The following TLN2 variants were observed in gnomAD, a reference collection of about 807,000 sequenced individuals.
TLN2 encodes talin 2.
TLN2 carries 118 observed loss-of-function variants against 294.7 expected under a neutral mutation model. The ratio of observed to expected loss-of-function variants is 0.40; its 90% CI spans 0.34 to 0.47. The LOEUF (loss-of-function observed/expected upper bound fraction) is 0.47, where lower values mean the gene tolerates loss of function less well. Among genes scored for constraint, TLN2 ranks in the 20% least tolerant of loss-of-function variants. TLN2 has a pLI of 0.84. For missense variants in TLN2, 3,083 were observed against 3,282.2 expected (o/e 0.94, Z 1.48); for synonymous variants, 1,431 against 1,304.5 (o/e 1.10, Z -2.09).
At chr15:62,772,907 A>G (rs183079708) in intron 42 of TLN2, among the ~76,000 whole-genome samples, 4 of 152,054 alleles carry the variant, frequency 2.6e-5, no homozygotes, top group Admixed American at 2.0e-4. Flanking sequence ...CAGGTGATCC[A>G]TCCTCCTCAG....
chr15:62,668,452 CT>C (rs1247903108), intron 9 of TLN2, among the ~76,000 whole-genome samples: 3 of 152,190 alleles, frequency 2.0e-5, no homozygotes, highest in African/African-American at 7.2e-5. Flanking sequence ...TTAAATTCCC[CT>C]TCCCTGATTC....
intron 2 of TLN2, among the ~76,000 whole-genome samples, chr15:62,613,379 G>A (rs1234044242): frequency 2.0e-5 from 3 of 152,144 alleles, no homozygotes; most frequent in Admixed American, 6.5e-5. Flanking sequence ...AGACAAACCT[G>A]TACTTAGTAT....
chr15:62,789,568 G>A (rs937422), intron 45 of TLN2, among the ~76,000 whole-genome samples: 149,959 of 152,254 alleles, frequency 0.98, 73,881 homozygotes, highest in Middle Eastern at 1. Flanking sequence ...TTGAGGATGT[G>A]TCCCACCATG....
intron 1 of TLN2, among the ~76,000 whole-genome samples, chr15:62,553,017 C>T (rs982633674): frequency 6.6e-6 from 1 of 152,122 alleles, no homozygotes; most frequent in Non-Finnish European, 1.5e-5. Flanking sequence ...AACAAGATTG[C>T]TTTTCTTTCT....
intron 37 of TLN2, among the ~76,000 whole-genome samples, chr15:62,756,194 C>A (rs1355647956): frequency 1.3e-5 from 2 of 152,160 alleles, no homozygotes. Flanking sequence ...GATATTAATT[C>A]TGTTTATAGC....
At chr15:62,684,260 A>C (rs1003253701) in intron 11 of TLN2, among the ~76,000 whole-genome samples, 4 of 152,192 alleles carry the variant, frequency 2.6e-5, no homozygotes, top group African/African-American at 4.8e-5. Context: ...GGAAAGAATG[A>C]AGGAAGCAGC....
In TLN2 at chr15:62,415,834, C is replaced by T. The variant is rs138491124; in HGVS notation, c.-238+25149C>T. Among the ~76,000 whole-genome samples the T allele has an allele frequency of 5.9e-5, 9 of 152,350 alleles. No homozygotes were observed. In the East Asian group the frequency reaches 1.7e-3, roughly 29 times the overall value. ...AGGTCCACGTGTCAAGTTTTAGGATCTCGGAGTTGTGGGGGGTAGCCCTCC... is the reference window on the plus strand; with the variant it reads ...AGGTCCACGTGTCAAGTTTTAGGATTTCGGAGTTGTGGGGGGTAGCCCTCC... On this transcript the variant is annotated intron_variant, in intron 1 of 58. Coordinates refer to ENST00000636159, the MANE Select transcript of TLN2 (RefSeq NM_015059.3).
chr15:62,761,586 T>G (rs2062675992), intron 37 of TLN2, 95 bp from the exon 38 acceptor site: 2 of 1,549,754 alleles, frequency 1.3e-6, no homozygotes, highest in Non-Finnish European at 8.8e-7. Flanking sequence ...AGTGTTCCGG[T>G]TGAACCACCT....
At chr15:62,724,186 G>T (rs561458759) in intron 26 of TLN2, among the ~76,000 whole-genome samples, 10 of 152,126 alleles carry the variant, frequency 6.6e-5, no homozygotes, top group Non-Finnish European at 1.3e-4. Flanking sequence ...TCTGGAATCA[G>T]ACTGTCATTG....
At chr15:62,802,219 T>G (rs971798584) in intron 50 of TLN2, among the ~76,000 whole-genome samples, 5 of 152,098 alleles carry the variant, frequency 3.3e-5, no homozygotes, top group African/African-American at 1.2e-4. Flanking sequence ...ACATGCAAAG[T>G]GTGTCTTTCT....
At chr15:62,668,805 A>G (rs187397500) in intron 9 of TLN2, among the ~76,000 whole-genome samples, 2 of 152,330 alleles carry the variant, frequency 1.3e-5, no homozygotes, top group African/African-American at 2.4e-5. Flanking sequence ...AAGCACCTGA[A>G]ACAGGGTTTG....
intron 11 of TLN2, among the ~76,000 whole-genome samples, chr15:62,677,384 C>T (rs923186423): frequency 3.9e-5 from 6 of 152,116 alleles, no homozygotes; most frequent in Admixed American, 1.3e-4. Flanking sequence ...GTTTCAGTGA[C>T]GTGCTAAAAA....
intron 1 of TLN2, among the ~76,000 whole-genome samples, chr15:62,536,286 G>A (rs919122017): frequency 6.6e-6 from 1 of 152,160 alleles, no homozygotes; most frequent in Non-Finnish European, 1.5e-5. Flanking sequence ...TGGGCAGCCA[G>A]GCCTGAGAAG....
In TLN2 at chr15:62,800,756, A is replaced by G; in HGVS notation, c.6464A>G (p.Lys2155Arg). ...RALEATIECI[K>R]QELTVFQSKD... Reference sequence around the variant, plus strand: ...CTTGAGGCCACAATTGAATGCATAAAGCAGGAGCTTACGGTAAGGAGCCAG... The same window carrying G: ...CTTGAGGCCACAATTGAATGCATAAGGCAGGAGCTTACGGTAAGGAGCCAG... The change falls in exon 50 of 59, where the codon AAG becomes AGG. Residue 2155 changes from lysine to arginine, a missense_variant. Physicochemically the swap from Lys to Arg is conservative, Grantham distance 26. Coordinates refer to ENST00000636159, the MANE Select transcript of TLN2 (RefSeq NM_015059.3). 6.2e-7 allele frequency: 1 copy of G among 1,612,298 alleles called. No homozygotes were observed. Among genetic ancestry groups the G allele is most frequent in the East Asian group, 2.2e-5 (1 of 44,844 alleles).
intron 1 of TLN2, among the ~76,000 whole-genome samples, chr15:62,433,523 T>C (rs2035128023): frequency 6.6e-6 from 1 of 152,162 alleles, no homozygotes; most frequent in Non-Finnish European, 1.5e-5. Flanking sequence ...ATTCTCTATT[T>C]AGTCCTCTTG....
chr15:62,762,558 T>A, intron 39 of TLN2, 105 bp downstream of exon 39: 2 of 1,293,900 alleles, frequency 1.5e-6, no homozygotes, highest in Non-Finnish European at 1.1e-6. Context: ...TTGATCATTA[T>A]CATCTTTTTC....
At chr15:62,698,343 G>C (rs1466127649) in intron 15 of TLN2, among the ~76,000 whole-genome samples, 2 of 152,206 alleles carry the variant, frequency 1.3e-5, no homozygotes, top group African/African-American at 4.8e-5. Context: ...CTCTGAAAAA[G>C]TACATTGACC....
intron 1 of TLN2, among the ~76,000 whole-genome samples, chr15:62,580,423 C>G (rs1365412319): frequency 6.7e-6 from 1 of 149,752 alleles, no homozygotes; most frequent in Non-Finnish European, 1.5e-5. Context: ...TCCCTCCCTC[C>G]CTTCCTTCCC....
intron 1 of TLN2, among the ~76,000 whole-genome samples, chr15:62,451,275 G>A (rs1378961364): frequency 6.6e-6 from 1 of 152,174 alleles, no homozygotes; most frequent in Non-Finnish European, 1.5e-5. Flanking sequence ...TGTCTAGGGC[G>A]TGGTGTGAGG....
Sources: allele counts gnomAD v4.1 joint callset (sites outside exome capture counted in the v4.1 genomes callset), GRCh38; gene constraint gnomAD v4.1.1; transcripts MANE v1.5; gene names NCBI Gene and HGNC (gene_info 2026-07-23, HGNC 2026-07-21).